LARS2: variants seen among roughly 807,000 people sequenced by gnomAD.
The protein encoded by LARS2 is leucine--tRNA ligase, mitochondrial.
LARS2 carries 81 observed loss-of-function variants against 116.6 expected under a neutral mutation model. The observed-to-expected ratio is 0.69, with a 90% CI of 0.58 to 0.84. The LOEUF is 0.84. Among genes scored for constraint, LARS2 ranks in the 40% least tolerant of loss-of-function variants. The pLI is 0.00. For synonymous variants in LARS2, 396 were observed against 407.2 expected, an observed-to-expected ratio of 0.97 and a Z score of 0.33; for missense variants, 968 against 1,114.5, an observed-to-expected ratio of 0.87 and a Z score of 1.87.
intron 4 of LARS2, among the ~76,000 whole-genome samples, chr3:45,407,129 T>G (rs1698246769): frequency 6.6e-6 from 1 of 152,132 alleles, no homozygotes; most frequent in African/African-American, 2.4e-5. Context: ...TGCTATTCAC[T>G]GCGGAGGAGG....
At chr3:45,422,670 A>G (rs1698533532) in intron 6 of LARS2, among the ~76,000 whole-genome samples, 1 of 152,182 alleles carries the variant, frequency 6.6e-6, no homozygotes, top group African/African-American at 2.4e-5. Flanking sequence ...TGATCCATTT[A>G]TTATTTCATG....
At chr3:45,393,278 C>A (rs1340781561) in intron 2 of LARS2, among the ~76,000 whole-genome samples, 1 of 151,950 alleles carries the variant, frequency 6.6e-6, no homozygotes, top group African/African-American at 2.4e-5. Flanking sequence ...ATAAGTGCTA[C>A]GAAAGAAGGG....
chr3:45,443,815 A>G (rs1698958649), intron 6 of LARS2, among the ~76,000 whole-genome samples: 1 of 152,166 alleles, frequency 6.6e-6, no homozygotes, highest in African/African-American at 2.4e-5. Context: ...CAGAAATGTA[A>G]TATAAATAAA....
intron 6 of LARS2, among the ~76,000 whole-genome samples, chr3:45,433,782 C>T (rs541490719): frequency 6.6e-6 from 1 of 152,018 alleles, no homozygotes; most frequent in African/African-American, 2.4e-5. Flanking sequence ...TAGAGTAGAC[C>T]TGCTTAATGA....
At chr3:45,481,825 G>A (rs955296133) in intron 10 of LARS2, among the ~76,000 whole-genome samples, 3 of 152,076 alleles carry the variant, frequency 2.0e-5, no homozygotes, top group Admixed American at 2.0e-4. Flanking sequence ...GGTGCCCTTT[G>A]AAGCACAAGT....
intron 4 of LARS2, among the ~76,000 whole-genome samples, chr3:45,408,561 C>A (rs1006454394): frequency 2.0e-5 from 3 of 152,214 alleles, no homozygotes; most frequent in Admixed American, 1.3e-4. Context: ...GTAGGAAATC[C>A]TGGTAACATT....
intron 6 of LARS2, among the ~76,000 whole-genome samples, chr3:45,436,904 C>T (rs1675298944): frequency 6.6e-6 from 1 of 151,716 alleles, no homozygotes; most frequent in South Asian, 2.1e-4. Context: ...AGAATTGTTG[C>T]TTCTTGTCTG....
intron 6 of LARS2, among the ~76,000 whole-genome samples, chr3:45,438,300 A>G (rs778734145): frequency 3.3e-5 from 5 of 152,132 alleles, no homozygotes; most frequent in Non-Finnish European, 7.4e-5. Flanking sequence ...CAGTCCAGTC[A>G]TAGCTGGGCT....
intron 4 of LARS2, among the ~76,000 whole-genome samples, chr3:45,403,584 T>C (rs537564259): frequency 2.0e-5 from 3 of 152,274 alleles, no homozygotes; most frequent in East Asian, 3.9e-4. Context: ...GTTAAGCTTT[T>C]ATAGCAACTG....
chr3:45,526,644 T>G (rs565406305), intron 20 of LARS2, among the ~76,000 whole-genome samples: 1 of 152,200 alleles, frequency 6.6e-6, no homozygotes, highest in East Asian at 1.9e-4. Flanking sequence ...TTTGCAATGG[T>G]GACTCGGGCA....
rs563746073 is a variant in LARS2, at chr3:45,508,894, C to T, written c.1761-4241C>T. On this transcript the variant is annotated intron_variant, in intron 15 of 21. Transcript: ENST00000645846. ...CCTTTCCTCCCCTCTTTCCCTGCCT[C>T]CCTCCCTTCCTTCTTTCCTTCTTCC... Among the ~76,000 whole-genome samples, 144 of 151,948 alleles carry T rather than the reference C, an allele frequency of 9.5e-4. 1 individual carries two copies. The highest frequency in any genetic ancestry group is 3.4e-3 in the African/African-American group (142 of 41,482).
rs563891229 is a variant in LARS2 at position 45,400,938 on chromosome 3, C to T, written c.363+565C>T. Among the ~76,000 whole-genome samples the T allele has an allele frequency of 1.3e-3, 202 of 152,012 alleles. 1 individual carries two copies. The Middle Eastern group carries it at 0.024, about 18-fold the overall frequency. On this transcript the variant is annotated intron_variant, in intron 4 of 21. Coordinates refer to ENST00000645846, the MANE Select transcript of LARS2 (RefSeq NM_015340.4). ...ACGCCATTCTCCTGCCTCAGCCTCC[C>T]GAGTAGCTGGGACTACAGGTGCCCA... is the stretch of plus-strand genomic sequence containing the variant.
chr3:45,543,463 A>T lies in LARS2; in HGVS notation c.2532+1507A>T, dbSNP rs1416866686. On this transcript the variant is annotated intron_variant, in intron 21 of 21. Transcript: ENST00000645846. ...ACCCAACCCAGAATTTTTTTTTTTTATTTTTTTATTTTTTTTTTTGGTGAG... is the reference window on the plus strand; with the variant it reads ...ACCCAACCCAGAATTTTTTTTTTTTTTTTTTTTATTTTTTTTTTTGGTGAG... Among the ~76,000 whole-genome samples the T allele has an allele frequency of 9.1e-3, 1,264 of 138,456 alleles. 13 individuals are homozygous for T. The highest frequency in any genetic ancestry group is 0.025 in the African/African-American group (904 of 36,668). 90.8% of individuals were successfully genotyped at this position (138,456 alleles called of 152,430 possible).
At chr3:45,494,733 C>T (rs1239731002) in intron 13 of LARS2, among the ~76,000 whole-genome samples, 2 of 152,160 alleles carry the variant, frequency 1.3e-5, no homozygotes, top group African/African-American at 4.8e-5. Context: ...CACCTGGTTC[C>T]TTCAGTCCCA....
intron 6 of LARS2, among the ~76,000 whole-genome samples, chr3:45,446,638 G>A (rs887079686): frequency 6.6e-6 from 1 of 152,218 alleles, no homozygotes; most frequent in Admixed American, 6.5e-5. Context: ...GAGTGGGCAG[G>A]AGGTGTGCAA....
intron 6 of LARS2, among the ~76,000 whole-genome samples, chr3:45,422,585 T>C (rs75389427): frequency 0.013 from 1,956 of 152,328 alleles, 38 homozygotes; most frequent in Admixed American, 0.051. Context: ...TCTTTGTTGA[T>C]TTAAAAGGCA....
intron 12 of LARS2, 73 bp downstream of exon 12, chr3:45,488,885 A>G: frequency 1.0e-6 from 1 of 955,880 alleles, no homozygotes; most frequent in Non-Finnish European, 1.7e-6. Flanking sequence ...CTTCAGGTGC[A>G]AATTACAACC....
At chr3:45,530,361 A>C (rs1700597029) in intron 20 of LARS2, among the ~76,000 whole-genome samples, 1 of 152,218 alleles carries the variant, frequency 6.6e-6, no homozygotes, top group South Asian at 2.1e-4. Flanking sequence ...CTCTATTAAA[A>C]ATACAAAAAT....
intron 2 of LARS2, among the ~76,000 whole-genome samples, 199 bp from the exon 3 acceptor site, chr3:45,394,234 G>T (rs909320570): frequency 3.3e-5 from 5 of 152,210 alleles, no homozygotes; most frequent in Admixed American, 6.5e-5. Flanking sequence ...GATGTTAGGG[G>T]TTACTGACCC....
Sources: gnomAD v4.1 joint callset for allele counts (sites outside exome capture counted in the v4.1 genomes callset) on GRCh38, gnomAD v4.1.1 for gene constraint, MANE v1.5 for transcripts, NCBI Gene and HGNC (gene_info 2026-07-23, HGNC 2026-07-21) for gene names.